The following VAV1 variants were observed in gnomAD, a reference collection of about 807,000 sequenced individuals.
The protein encoded by VAV1 is vav guanine nucleotide exchange factor 1.
VAV1 carries 33 observed loss-of-function variants against 128.1 expected under a neutral mutation model. The observed-to-expected ratio is 0.26, with a 90% CI of 0.20 to 0.34. The LOEUF (loss-of-function observed/expected upper bound fraction) is 0.34, where lower values mean the gene tolerates loss of function less well. VAV1 is among the 10% of genes least tolerant of loss of function. The pLI, the probability that VAV1 is intolerant of heterozygous loss-of-function variation, is 1.00. For synonymous variants in VAV1, 394 were observed against 409.8 expected, an observed-to-expected ratio of 0.96 and a Z score of 0.47; for missense variants, 715 against 1,093.7, an observed-to-expected ratio of 0.65 and a Z score of 4.88.
intron 1 of VAV1, among the ~76,000 whole-genome samples, chr19:6,801,056 C>G (rs533309787): frequency 3.9e-5 from 6 of 152,342 alleles, no homozygotes; most frequent in African/African-American, 1.4e-4. Flanking sequence ...TCTCACCACC[C>G]TCATCATCAA....
intron 1 of VAV1, among the ~76,000 whole-genome samples, chr19:6,806,260 T>C (rs1971394629): frequency 6.6e-6 from 1 of 152,148 alleles, no homozygotes; most frequent in South Asian, 2.1e-4. Context: ...CTAATTTTTG[T>C]ATTTTTAGTA....
chr19:6,807,294 C>G (rs1005212170), intron 1 of VAV1, among the ~76,000 whole-genome samples: 23 of 152,028 alleles, frequency 1.5e-4, no homozygotes, highest in African/African-American at 5.3e-4. Context: ...TTTCCTGCAA[C>G]TAGATGATCC....
At chr19:6,825,951 G>A (rs910164505) in intron 8 of VAV1, among the ~76,000 whole-genome samples, 2 of 152,148 alleles carry the variant, frequency 1.3e-5, no homozygotes, top group Non-Finnish European at 2.9e-5. Context: ...AGTTACTCAG[G>A]AGAATTGCTT....
At chr19:6,847,922 A>G in intron 22 of VAV1, 76 bp from the exon 23 acceptor site, 1 of 1,334,350 alleles carries the variant, frequency 7.5e-7, no homozygotes, top group Non-Finnish European at 9.9e-7. Context: ...TCAGGGGGAA[A>G]GGCAACCTCC....
intron 1 of VAV1, among the ~76,000 whole-genome samples, chr19:6,800,891 T>G (rs1262969156): frequency 3.9e-5 from 6 of 151,984 alleles, no homozygotes; most frequent in Non-Finnish European, 1.5e-5. Context: ...CCTCCCAAAG[T>G]GCTGGGATTA....
rs59236244 is a variant in VAV1, at chr19:6,776,284, T to TCATCCATC, written c.204+3306_204+3313dup. 1.6e-3 allele frequency among the ~76,000 whole-genome samples: 163 copies of TCATCCATC among 100,792 alleles called. 1 individual carries two copies. The highest frequency in any genetic ancestry group is 5.4e-3 in the East Asian group (16 of 2,962). The allele number at this position is 100,792 out of a possible 152,430, so 66.1% of individuals were successfully genotyped here. ...TCTGCTCATCCATTCATCTATCCAC[T>TCATCCATC]CATCCATCCATCCATCCATCCATCC... On this transcript the variant is annotated intron_variant, in intron 1 of 26. Coordinates refer to ENST00000602142, the MANE Select transcript of VAV1 (RefSeq NM_005428.4).
intron 1 of VAV1, among the ~76,000 whole-genome samples, chr19:6,805,999 C>T (rs1971388855): frequency 6.6e-6 from 1 of 152,076 alleles, no homozygotes; most frequent in East Asian, 1.9e-4. Flanking sequence ...GCTATGCTCC[C>T]AAGAAGTTTG....
chr19:6,839,394 G>A lies in VAV1; in HGVS notation c.1980+2344G>A, dbSNP rs1032531082. Among the ~76,000 whole-genome samples, 17 of 152,042 alleles carry A rather than the reference G, an allele frequency of 1.1e-4. No individual in the cohort carries two copies. The East Asian group carries it at 2.9e-3, about 26-fold the overall frequency. ...TACAATGAAAAATTCAGAATACTGA[G>A]TAGCTGAGATTACAGGCGTGCACCA... On this transcript the variant is annotated intron_variant, in intron 21 of 26. Transcript: ENST00000602142.
chr19:6,828,743 G>T lies in VAV1; in HGVS notation c.1179+35G>T, dbSNP rs200851743. ...TGGAGCCGGGTGGGCCAGGGGTGTG[G>T]CCACGTGGGGAGAGTGTGTGTCTGG... On this transcript the variant is annotated intron_variant, in intron 12 of 26. Transcript: ENST00000602142. This position sits in a 1 kb window ranked among gnomAD's most constrained non-coding sequence, Gnocchi z 4.5. 1.2e-6 allele frequency: 2 copies of T among 1,614,092 alleles called. No homozygotes were observed.
In VAV1 at chr19:6,820,958, G is replaced by C. The variant is rs1702383365; in HGVS notation, c.321+140G>C. On this transcript the variant is annotated intron_variant, in intron 2 of 26. Coordinates refer to ENST00000602142, the MANE Select transcript of VAV1 (RefSeq NM_005428.4). This position sits in a 1 kb window ranked among gnomAD's most constrained non-coding sequence, Gnocchi z 4.4. ...TACAAGACGCAAATAGCACTGGCTT[G>C]GGATATGTGGAACTGGGTTTGAGTT... 4 of 770,482 alleles carry C rather than the reference G, an allele frequency of 5.2e-6. No homozygotes were observed. The South Asian group carries it at 6.4e-5, about 12-fold the overall frequency. The allele number at this position is 770,482 out of a possible 1,614,324, so 47.7% of individuals were successfully genotyped here.
At position 6,850,679 on chromosome 19, in the gene VAV1, C is replaced by T. The variant is rs545215770; in HGVS notation, c.2139C>T (p.Val713=). Residue 713 remains valine (V), a synonymous_variant, in exon 24 of 27, where the codon GTC becomes GTT. Coordinates refer to ENST00000602142, the MANE Select transcript of VAV1 (RefSeq NM_005428.4). The part of the protein sequence containing the change: ...AEFAISIKYN[V]EVKHIKIMTA... ...GACCATCTGGTTCCAGATATAACGT[C>T]GAGGTCAAGCACATTAAAATCATGA... The T allele has an allele frequency of 5.0e-6, 8 of 1,613,964 alleles. No individual in the cohort carries two copies. The highest frequency in any genetic ancestry group is 1.3e-5 in the African/African-American group (1 of 74,958).
intron 1 of VAV1, among the ~76,000 whole-genome samples, chr19:6,775,420 C>T (rs116643446): frequency 0.011 from 1,724 of 152,278 alleles, 30 homozygotes; most frequent in African/African-American, 0.039. Flanking sequence ...CCTGGGAGAG[C>T]AGCTGCACTC....
intron 1 of VAV1, among the ~76,000 whole-genome samples, chr19:6,778,922 G>C (rs915159756): frequency 6.6e-6 from 1 of 151,470 alleles, no homozygotes. Context: ...TGTCAGCCAG[G>C]CTGGAGTGCA....
intron 3 of VAV1, 30 bp from the exon 4 acceptor site, chr19:6,821,761 C>A (rs373192350): frequency 2.7e-5 from 44 of 1,613,534 alleles, no homozygotes; most frequent in Non-Finnish European, 3.5e-5. Context: ...AGCCCCCAGG[C>A]CCCTGGCTCA....
intron 24 of VAV1, 65 bp from the exon 25 acceptor site, chr19:6,852,900 C>A: frequency 7.2e-7 from 1 of 1,385,248 alleles, no homozygotes; most frequent in Non-Finnish European, 1.0e-6. Context: ...TATGGCTGTT[C>A]CTAGCTCTGC....
intron 6 of VAV1, among the ~76,000 whole-genome samples, chr19:6,823,876 A>C (rs1971853609): frequency 6.6e-6 from 1 of 152,184 alleles, no homozygotes; most frequent in South Asian, 2.1e-4. Flanking sequence ...TGCAGTCATC[A>C]TCACTGTCTA....
rs536325206 is a variant in VAV1, at chr19:6,844,805, C to T, written c.2012+1639C>T. Among the ~76,000 whole-genome samples the T allele has an allele frequency of 7.9e-5, 12 of 151,780 alleles. 2 individuals carry two copies. Among genetic ancestry groups the T allele is most frequent in the South Asian group, 2.1e-4 (1 of 4,788 alleles). ...CTCGTGGGTGCAAGATTTAAGGGGA[C>T]GCTGAAAATCTCAGTCATTAAGGTC... is the stretch of plus-strand genomic sequence containing the variant. On this transcript the variant is annotated intron_variant, in intron 22 of 26. Coordinates refer to ENST00000602142, the MANE Select transcript of VAV1 (RefSeq NM_005428.4).
At position 6,777,564 on chromosome 19, in the gene VAV1, G is replaced by T. The variant is rs1428549999; in HGVS notation, c.204+4553G>T. ...GGAAAATTAAGGAATGAATCATGTG[G>T]ATCTGGGGAAATGGTGTTCCAGACA... On this transcript the variant is annotated intron_variant, in intron 1 of 26. Transcript: ENST00000602142. The surrounding 1 kb of genome is among the most constrained non-coding windows in gnomAD (Gnocchi z 4.4). Among the ~76,000 whole-genome samples, 2 of 152,170 alleles carry T rather than the reference G, an allele frequency of 1.3e-5. No homozygotes were observed. The highest frequency in any genetic ancestry group is 2.4e-5 in the African/African-American group (1 of 41,436).
intron 1 of VAV1, among the ~76,000 whole-genome samples, chr19:6,780,080 C>T (rs1025930452): frequency 2.0e-5 from 3 of 147,088 alleles, no homozygotes; most frequent in African/African-American, 4.9e-5. Context: ...CACTGCACTC[C>T]AGCCTGGGCG....
Sources: gnomAD v4.1 joint callset for allele counts (sites outside exome capture counted in the v4.1 genomes callset) on GRCh38, gnomAD v4.1.1 for gene constraint, Gnocchi (gnomAD v3.1) non-coding constraint, MANE v1.5 for transcripts, NCBI Gene and HGNC (gene_info 2026-07-23, HGNC 2026-07-21) for gene names.